Variants in PIK3R2 observed in about 807,000 individuals in gnomAD.
PIK3R2 encodes the protein phosphoinositide-3-kinase regulatory subunit 2, also known as phosphatidylinositol 3-kinase regulatory subunit beta.
A neutral mutation model predicts 78.5 loss-of-function variants in PIK3R2; 40 were observed. That is an observed-to-expected ratio of 0.51 (90% CI 0.40 to 0.66). PIK3R2 has a LOEUF of 0.66. PIK3R2 is among the 30% of genes least tolerant of loss of function. The pLI is 0.00. For missense variants in PIK3R2, 880 were observed against 1,026.6 expected (o/e 0.86, Z 1.95); for synonymous variants, 473 against 457.7 (o/e 1.03, Z -0.43).
chr19:18,154,163 C>T (rs985899035), intron 1 of PIK3R2, among the ~76,000 whole-genome samples: 2 of 152,174 alleles, frequency 1.3e-5, no homozygotes, highest in Non-Finnish European at 2.9e-5. Flanking sequence ...ATGATCCATT[C>T]TCTAGAACAG....
In PIK3R2 at chr19:18,169,459, C is replaced by G. The variant is rs1370611841; in HGVS notation, c.*165C>G. On this transcript the variant is annotated 3_prime_UTR_variant, in exon 16 of 16. Coordinates refer to ENST00000222254, the MANE Select transcript of PIK3R2 (RefSeq NM_005027.4). Reference sequence around the variant, plus strand: ...ACCCTCTTTCTCTTTCCTTCCCTCCCCCATTCTCCAGATCTCCCTCTGTCT... The same window carrying G: ...ACCCTCTTTCTCTTTCCTTCCCTCCGCCATTCTCCAGATCTCCCTCTGTCT... 2 of 365,672 alleles carry G rather than the reference C, an allele frequency of 5.5e-6. No homozygotes were observed. Among genetic ancestry groups the G allele is most frequent in the East Asian group, 8.5e-5 (2 of 23,528 alleles). The allele number at this position is 365,672 out of a possible 1,614,324, so 22.7% of individuals were successfully genotyped here.
Position 18,161,273 on chromosome 19 carries a change from C to T in PIK3R2, c.599-6C>T, listed in dbSNP as rs1428989737. On this transcript the variant is annotated splice_region_variant and splice_polypyrimidine_tract_variant and intron_variant, in intron 5 of 15. Transcript: ENST00000222254. The surrounding 1 kb of genome is among the most constrained non-coding windows in gnomAD (Gnocchi z 5.3). The stretch of plus-strand genomic sequence containing the variant: ...GGCTCACCCTGCCCTGGCCATCTGT[C>T]CGCAGAGGCCGCGGGGCCCGTGGGG... The T allele has an allele frequency of 3.6e-6, 5 of 1,405,956 alleles. No individual in the cohort carries two copies. In the East Asian group the frequency reaches 1.4e-4, roughly 40 times the overall value. 87.1% of individuals were successfully genotyped at this position (1,405,956 alleles called of 1,614,324 possible). A position where few individuals can be genotyped will look rare whatever the true frequency, so the allele number is the denominator to read the frequency against.
chr19:18,155,785 C>T lies in PIK3R2; in HGVS notation c.-95C>T. The stretch of plus-strand genomic sequence containing the variant: ...TAGAGGTCCCAGCACCCCAAGCCAA[C>T]CCAGCGGACCCTCCCAGCCCTGCTT... On this transcript the variant is annotated 5_prime_UTR_variant, in exon 2 of 16. Transcript: ENST00000222254. The T allele has an allele frequency of 1.7e-6, 2 of 1,201,530 alleles. No individual in the cohort carries two copies. The highest frequency in any genetic ancestry group is 2.3e-6 in the Non-Finnish European group (2 of 884,818). The allele number at this position is 1,201,530 out of a possible 1,614,324, so 74.4% of individuals were successfully genotyped here.
intron 1 of PIK3R2, among the ~76,000 whole-genome samples, chr19:18,153,998 G>T (rs2043650699): frequency 6.6e-6 from 1 of 152,170 alleles, no homozygotes; most frequent in Non-Finnish European, 1.5e-5. Context: ...CCCCGTGACT[G>T]AAGGATGCTC....
At chr19:18,162,558 G>T (rs745619469) in intron 9 of PIK3R2, 52 bp downstream of exon 9, 26 of 1,480,700 alleles carry the variant, frequency 1.8e-5, no homozygotes, top group Non-Finnish European at 2.4e-5. Flanking sequence ...CACAGAGACC[G>T]GGAGTTCAGA....
intron 12 of PIK3R2, among the ~76,000 whole-genome samples, 193 bp from the exon 13 acceptor site, chr19:18,166,937 C>T (rs1036292250): frequency 4.6e-4 from 70 of 151,820 alleles, no homozygotes; most frequent in African/African-American, 1.7e-3. Context: ...GAGTTTGAGA[C>T]CAGCCTGGGC....
chr19:18,169,005 C>A, intron 15 of PIK3R2, 82 bp from the exon 16 acceptor site: 1 of 1,559,152 alleles, frequency 6.4e-7, no homozygotes, highest in Non-Finnish European at 8.8e-7. Flanking sequence ...TCATCCGGGA[C>A]AGGGGAGCAC....
chr19:18,160,573 A>G lies in PIK3R2; in HGVS notation c.415+10A>G, dbSNP rs371679978. The G allele has an allele frequency of 1.2e-6, 2 of 1,602,558 alleles. No individual in the cohort carries two copies. Among genetic ancestry groups the G allele is most frequent in the Non-Finnish European group, 1.7e-6 (2 of 1,170,808 alleles). On this transcript the variant is annotated intron_variant, in intron 3 of 15. Coordinates refer to ENST00000222254, the MANE Select transcript of PIK3R2 (RefSeq NM_005027.4). ...GCCATTGAAAGGACAGGTAAGTTCC[A>G]GCCTGGCTGCAGCCCCTGGATTCTG...
rs773757161 is a variant in PIK3R2 at position 18,168,440 on chromosome 19, A to G, written c.1737-35A>G. On this transcript the variant is annotated intron_variant, in intron 13 of 15. Coordinates refer to ENST00000222254, the MANE Select transcript of PIK3R2 (RefSeq NM_005027.4). The surrounding 1 kb of genome is among the most constrained non-coding windows in gnomAD (Gnocchi z 4.1). Reference sequence around the variant, plus strand: ...CCCACTGTGGGCTCAGCACCCACACAACTGCACAAGCCCACCTTTCCTGTT... The same window carrying G: ...CCCACTGTGGGCTCAGCACCCACACGACTGCACAAGCCCACCTTTCCTGTT... The G allele has an allele frequency of 2.6e-6, 2 of 774,496 alleles. No homozygotes were observed. Among genetic ancestry groups the G allele is most frequent in the South Asian group, 1.4e-5 (1 of 73,732 alleles). 48.0% of individuals were successfully genotyped at this position (774,496 alleles called of 1,614,324 possible). A position where few individuals can be genotyped will look rare whatever the true frequency, so the allele number is the denominator to read the frequency against.
At chr19:18,162,712 C>T (rs2043762820) in intron 9 of PIK3R2, 7 of 601,926 alleles carry the variant, frequency 1.2e-5, no homozygotes, top group East Asian at 2.8e-5. Context: ...GGTGAAACCC[C>T]GTCTCTACTA....
chr19:18,162,844 C>G, intron 9 of PIK3R2, 123 bp from the exon 10 acceptor site: 2 of 846,308 alleles, frequency 2.4e-6, no homozygotes, highest in Non-Finnish European at 3.6e-6. Flanking sequence ...GAGCCGAAAT[C>G]GCACCACTGC....
rs1473627509 is a variant in PIK3R2, at chr19:18,169,279, G to C, written c.2172G>C (p.Pro724=). The change falls in exon 16 of 16, where the codon CCG becomes CCC. Residue 724 remains proline (P), a synonymous_variant. Transcript: ENST00000222254. ...HPVRAPGPGP[P]PAAR ...TGCGCGCCCCGGGCCCCGGCCCGCCGCCTGCCGCCCGCTGAGCACCGAGGA... is the reference window on the plus strand; with the variant it reads ...TGCGCGCCCCGGGCCCCGGCCCGCCCCCTGCCGCCCGCTGAGCACCGAGGA... The C allele has an allele frequency of 2.0e-6, 3 of 1,507,352 alleles. No homozygotes were observed. The highest frequency in any genetic ancestry group is 2.2e-5 in the Admixed American group (1 of 46,510). The allele number at this position is 1,507,352 out of a possible 1,614,324, so 93.4% of individuals were successfully genotyped here. A position where few individuals can be genotyped will look rare whatever the true frequency, so the allele number is the denominator to read the frequency against.
At chr19:18,163,808 C>T (rs1329595182) in intron 11 of PIK3R2, among the ~76,000 whole-genome samples, 2 of 72,942 alleles carry the variant, frequency 2.7e-5, no homozygotes, top group East Asian at 8.4e-4. Flanking sequence ...GGTGACAGGG[C>T]ACGACCTTGT....
Position 18,169,262 on chromosome 19 carries a change from C to T in PIK3R2, c.2155C>T (p.Pro719Ser). The T allele has an allele frequency of 1.3e-6, 2 of 1,537,542 alleles. No individual in the cohort carries two copies. The highest frequency in any genetic ancestry group is 1.7e-6 in the Non-Finnish European group (2 of 1,149,604). The change falls in exon 16 of 16, where the codon CCG (proline) becomes TCG (serine). Residue 719 changes from proline to serine, a missense_variant. This residue lies in a region of PIK3R2 where 268 missense variants were observed against 299.1 expected (regional missense o/e 0.90). Coordinates refer to ENST00000222254, the MANE Select transcript of PIK3R2 (RefSeq NM_005027.4). ...CACCCTGGCGCACCCAGTGCGCGCC[C>T]CGGGCCCCGGCCCGCCGCCTGCCGC... ...TVTLAHPVRA[P>S]GPGPPPAAR
rs1170682701 is a variant in PIK3R2, at chr19:18,153,220, T to C, written c.-498T>C. 1 of 154,576 alleles carries C rather than the reference T, an allele frequency of 6.5e-6. No individual in the cohort carries two copies. Among genetic ancestry groups the C allele is most frequent in the African/African-American group, 2.4e-5 (1 of 41,434 alleles). The allele number at this position is 154,576 out of a possible 1,614,324, so 9.6% of individuals were successfully genotyped here. A position where few individuals can be genotyped will look rare whatever the true frequency, so the allele number is the denominator to read the frequency against. On this transcript the variant is annotated 5_prime_UTR_variant, in exon 1 of 16. Transcript: ENST00000222254. Reference sequence around the variant, plus strand: ...GGGGATCCCGCGGCTGCGGCGACGGTGGCCGCGGTGGAGCCACGGGGCGGG... The same window carrying C: ...GGGGATCCCGCGGCTGCGGCGACGGCGGCCGCGGTGGAGCCACGGGGCGGG...
Position 18,169,874 on chromosome 19 carries a change from AG to A in PIK3R2, c.*585del. 1 of 200,692 alleles carries A rather than the reference AG, an allele frequency of 5.0e-6. No individual in the cohort carries two copies. Among genetic ancestry groups the A allele is most frequent in the Non-Finnish European group, 1.0e-5 (1 of 96,992 alleles). The allele number at this position is 200,692 out of a possible 1,614,324, so 12.4% of individuals were successfully genotyped here. On this transcript the variant is annotated 3_prime_UTR_variant, in exon 16 of 16. Transcript: ENST00000222254. ...AACCCGCCACCGGGTTACCCCCACAAGGGGGCCGCTGCGAGAAGTTCACCCA... is the reference window on the plus strand; with the variant it reads ...AACCCGCCACCGGGTTACCCCCACAAGGGGCCGCTGCGAGAAGTTCACCCA...
chr19:18,155,377 A>G, intron 1 of PIK3R2, 80 bp from the exon 2 acceptor site: 1 of 359,850 alleles, frequency 2.8e-6, no homozygotes, highest in Non-Finnish European at 5.0e-6. Context: ...GGGAATTCCA[A>G]ATCAGGATTT....
At chr19:18,155,212 A>C (rs1200201283) in intron 1 of PIK3R2, among the ~76,000 whole-genome samples, 2 of 151,404 alleles carry the variant, frequency 1.3e-5, no homozygotes, top group Non-Finnish European at 2.9e-5. Context: ...AAAAAAAAAA[A>C]AAAACTGATT....
rs1419504472 is a variant in PIK3R2, at chr19:18,169,000, C to T, written c.1980-87C>T. The T allele has an allele frequency of 5.8e-6, 9 of 1,553,542 alleles. No individual in the cohort carries two copies. The highest frequency in any genetic ancestry group is 2.3e-5 in the East Asian group (1 of 43,792). ...GGAAGGAGTCCCTGGTGGGGTCATC[C>T]GGGACAGGGGAGCACGCGGCCCTGG... On this transcript the variant is annotated intron_variant, in intron 15 of 15. Coordinates refer to ENST00000222254, the MANE Select transcript of PIK3R2 (RefSeq NM_005027.4). This position sits in a 1 kb window ranked among gnomAD's most constrained non-coding sequence, Gnocchi z 4.1.
Sources: gnomAD v4.1 joint callset for allele counts (sites outside exome capture counted in the v4.1 genomes callset) on GRCh38, gnomAD v4.1.1 for gene constraint, gnomAD v4.1.1 regional missense constraint, Gnocchi (gnomAD v3.1) non-coding constraint, MANE v1.5 for transcripts, NCBI Gene and HGNC (gene_info 2026-07-23, HGNC 2026-07-21) for gene names.